CDIN1: variants seen among roughly 807,000 people sequenced by gnomAD.
CDIN1 encodes CDAN1 interacting nuclease 1.
CDIN1 carries 33 observed loss-of-function variants against 45.3 expected under a neutral mutation model. The observed-to-expected ratio is 0.73, with a 90% CI of 0.55 to 0.97. The LOEUF (loss-of-function observed/expected upper bound fraction) is 0.97, where lower values mean the gene tolerates loss of function less well. Ranked by LOEUF, CDIN1 falls within the 50% of genes least tolerant of loss-of-function variation. The pLI, the probability that CDIN1 is intolerant of heterozygous loss-of-function variation, is 0.00. For missense variants in CDIN1, 303 were observed against 339.4 expected (o/e 0.89, Z 0.84); for synonymous variants, 118 against 124.4 (o/e 0.95, Z 0.34).
chr15:36,636,809 A>G (rs2039917147), intron 1 of CDIN1, among the ~76,000 whole-genome samples: 1 of 152,220 alleles, frequency 6.6e-6, no homozygotes, highest in African/African-American at 2.4e-5. Context: ...ATCACCAATC[A>G]ATAATAAATT....
chr15:36,589,664 C>A (rs924037443), intron 1 of CDIN1, among the ~76,000 whole-genome samples: 19 of 152,176 alleles, frequency 1.2e-4, no homozygotes, highest in African/African-American at 4.3e-4. Context: ...CGCCACCACG[C>A]CCGGCTAATT....
At chr15:36,700,663 T>C (rs1474945182) in intron 8 of CDIN1, among the ~76,000 whole-genome samples, 1 of 151,628 alleles carries the variant, frequency 6.6e-6, no homozygotes, top group African/African-American at 2.4e-5. Context: ...TTAAGCCTGC[T>C]GTGGGCAGAC....
At chr15:36,703,087 G>A (rs1425269087) in intron 8 of CDIN1, among the ~76,000 whole-genome samples, 1 of 150,056 alleles carries the variant, frequency 6.7e-6, no homozygotes, top group African/African-American at 2.5e-5. Context: ...GTGTGGTGGT[G>A]CACGCCTGTT....
intron 10 of CDIN1, among the ~76,000 whole-genome samples, chr15:36,787,262 C>T (rs1232781258): frequency 6.6e-6 from 1 of 152,144 alleles, no homozygotes; most frequent in Non-Finnish European, 1.5e-5. Context: ...GCTTCTCCAT[C>T]TTATATCCTT....
chr15:36,732,561 A>G (rs2043869930), intron 10 of CDIN1, among the ~76,000 whole-genome samples: 2 of 152,094 alleles, frequency 1.3e-5, no homozygotes, highest in Admixed American at 1.3e-4. Context: ...ATACAAAAAT[A>G]TGTAAGGGTA....
intron 1 of CDIN1, among the ~76,000 whole-genome samples, chr15:36,635,241 C>T (rs1308972180): frequency 1.3e-5 from 2 of 152,182 alleles, no homozygotes; most frequent in African/African-American, 4.8e-5. Flanking sequence ...TCCTAGACTC[C>T]TGGTACTCCC....
rs1011650346 is a variant in CDIN1, at chr15:36,751,228, TTTATATATATATATATA to T, written c.716+41269_716+41285del. On this transcript the variant is annotated intron_variant, in intron 10 of 10. Transcript: ENST00000566621. ...GATAAAAGCATATATATATGCTTAT[TTTATATATATATATATA>T]TATATATATATATATGGCACTAATA... Among the ~76,000 whole-genome samples the T allele has an allele frequency of 1.5e-4, 10 of 65,900 alleles. No homozygotes were observed. In the East Asian group the frequency reaches 4.1e-3, roughly 27 times the overall value. 43.2% of individuals were successfully genotyped at this position (65,900 alleles called of 152,430 possible).
intron 8 of CDIN1, chr15:36,707,739 C>T (rs569627029): frequency 6.6e-6 from 1 of 152,210 alleles, no homozygotes; most frequent in East Asian, 1.9e-4. Context: ...TCATCAGCTA[C>T]CGGAAACATC....
At chr15:36,799,629 C>G (rs1010095021) in intron 10 of CDIN1, 2 of 152,104 alleles carry the variant, frequency 1.3e-5, no homozygotes, top group Non-Finnish European at 2.9e-5. Context: ...TACTGTGAAC[C>G]CTTTGGCATT....
intron 10 of CDIN1, among the ~76,000 whole-genome samples, chr15:36,721,060 G>A (rs555186301): frequency 1.8e-4 from 27 of 151,982 alleles, no homozygotes; most frequent in African/African-American, 5.8e-4. Flanking sequence ...GTGTCTGTTG[G>A]CTGCATAAAT....
intron 5 of CDIN1, among the ~76,000 whole-genome samples, chr15:36,660,970 G>T (rs2040989066): frequency 6.6e-6 from 1 of 152,124 alleles, no homozygotes; most frequent in Admixed American, 6.5e-5. Context: ...TCTTCCTCAT[G>T]AAATCTGAAG....
At chr15:36,733,610 CTGT>C (rs1157961701) in intron 10 of CDIN1, among the ~76,000 whole-genome samples, 3 of 151,868 alleles carry the variant, frequency 2.0e-5, no homozygotes, top group African/African-American at 7.3e-5. Context: ...TGAAGGAGTT[CTGT>C]TGTTATTTTT....
chr15:36,642,781 A>G (rs2040163259), intron 1 of CDIN1, among the ~76,000 whole-genome samples: 1 of 152,104 alleles, frequency 6.6e-6, no homozygotes, highest in African/African-American at 2.4e-5. Flanking sequence ...TATTTCTATC[A>G]TCTTTTTTGA....
At chr15:36,614,920 G>A (rs780571988) in intron 1 of CDIN1, among the ~76,000 whole-genome samples, 1 of 151,856 alleles carries the variant, frequency 6.6e-6, no homozygotes, top group African/African-American at 2.4e-5. Flanking sequence ...CCTCCCAACT[G>A]CTTACAGAAT....
At chr15:36,706,331 G>A (rs1057464278) in intron 8 of CDIN1, 2 of 152,118 alleles carry the variant, frequency 1.3e-5, no homozygotes, top group Admixed American at 6.6e-5. Context: ...AAATACTTGA[G>A]GCCAGGCATG....
chr15:36,692,121 T>G lies in CDIN1; in HGVS notation c.427-5T>G. 6.2e-7 allele frequency: 1 copy of G among 1,613,732 alleles called. No homozygotes were observed. The highest frequency in any genetic ancestry group is 8.5e-7 in the Non-Finnish European group (1 of 1,179,768). Reference sequence around the variant, plus strand: ...CCCCAGACCCCTTTTCTTATTTGTCTGCAGTGCATTGTGAACGACTGCTGT... The same window carrying G: ...CCCCAGACCCCTTTTCTTATTTGTCGGCAGTGCATTGTGAACGACTGCTGT... On this transcript the variant is annotated splice_region_variant and splice_polypyrimidine_tract_variant and intron_variant, in intron 6 of 10. Coordinates refer to ENST00000566621, the MANE Select transcript of CDIN1 (RefSeq NM_001321759.2).
At chr15:36,583,488 A>C (rs1317943992) in intron 1 of CDIN1, among the ~76,000 whole-genome samples, 1 of 152,138 alleles carries the variant, frequency 6.6e-6, no homozygotes, top group African/African-American at 2.4e-5. Context: ...AAGGAGTAGG[A>C]CTTTGTGATC....
intron 1 of CDIN1, chr15:36,619,047 CAA>C: frequency 7.6e-7 from 1 of 1,315,092 alleles, no homozygotes; most frequent in African/African-American, 1.5e-5. Context: ...CCACGACAAA[CAA>C]AGACAATGAA....
At chr15:36,660,420 T>A (rs532074412) in intron 5 of CDIN1, among the ~76,000 whole-genome samples, 2 of 152,188 alleles carry the variant, frequency 1.3e-5, no homozygotes, top group African/African-American at 4.8e-5. Flanking sequence ...GTACTGTGTA[T>A]TTACTATTAC....
Sources: allele counts gnomAD v4.1 joint callset (sites outside exome capture counted in the v4.1 genomes callset), GRCh38; gene constraint gnomAD v4.1.1; transcripts MANE v1.5; gene names NCBI Gene and HGNC (gene_info 2026-07-23, HGNC 2026-07-21).